TENM2: variants seen among roughly 807,000 people sequenced by gnomAD.
TENM2 encodes the protein teneurin transmembrane protein 2.
TENM2 carries 52 observed loss-of-function variants against 245.2 expected under a neutral mutation model. The ratio of observed to expected loss-of-function variants is 0.21; its 90% CI spans 0.17 to 0.27. The LOEUF (loss-of-function observed/expected upper bound fraction) is 0.27, where lower values mean the gene tolerates loss of function less well. TENM2 is among the 10% of genes least tolerant of loss of function. TENM2 has a pLI of 1.00. For missense variants in TENM2, 3,046 were observed against 3,666.8 expected (o/e 0.83, Z 4.37); for synonymous variants, 1,363 against 1,438.9 (o/e 0.95, Z 1.19).
the TENM2 span, among the ~76,000 whole-genome samples, chr5:166,990,885 T>C: frequency 2.0e-5 from 3 of 152,166 alleles, no homozygotes; most frequent in Admixed American, 6.5e-5. Context: ...CTGTTGATGT[T>C]GTTTAGTTGG....
chr5:167,281,070 A>G (rs1771028998), upstream of TENM2, among the ~76,000 whole-genome samples: 1 of 151,722 alleles, frequency 6.6e-6, no homozygotes, highest in Admixed American at 6.6e-5. Context: ...CCAGATTTTC[A>G]TATATAATTC....
chr5:167,501,699 G>T (rs1014283817), intron 2 of TENM2, among the ~76,000 whole-genome samples: 1 of 152,150 alleles, frequency 6.6e-6, no homozygotes, highest in Admixed American at 6.6e-5. Flanking sequence ...AAAGTGTGAG[G>T]ACTTGTTACC....
chr5:167,346,058 A>G, intron 1 of TENM2, among the ~76,000 whole-genome samples: 1 of 152,206 alleles, frequency 6.6e-6, no homozygotes, highest in East Asian at 1.9e-4. Context: ...AACATGGCCT[A>G]ATCATGAAAG....
chr5:168,108,945 C>G (rs900562610), intron 9 of TENM2, among the ~76,000 whole-genome samples: 2 of 152,196 alleles, frequency 1.3e-5, no homozygotes, highest in African/African-American at 4.8e-5. Flanking sequence ...GAGCTTCCTT[C>G]TCTCTCCATG....
At chr5:168,173,314 G>A (rs10068630) in intron 13 of TENM2, among the ~76,000 whole-genome samples, 1,979 of 152,224 alleles carry the variant, frequency 0.013, 47 homozygotes, top group African/African-American at 0.045. Context: ...TGGTTTCCTG[G>A]CTCAAAATCC....
chr5:167,913,461 A>G (rs1295534804), intron 3 of TENM2, among the ~76,000 whole-genome samples: 1 of 152,208 alleles, frequency 6.6e-6, no homozygotes, highest in East Asian at 1.9e-4. Flanking sequence ...TATTGGCACT[A>G]CATTTGAAAC....
intron 2 of TENM2, among the ~76,000 whole-genome samples, chr5:167,403,001 A>C (rs1465710962): frequency 6.6e-6 from 1 of 152,112 alleles, no homozygotes; most frequent in African/African-American, 2.4e-5. Context: ...AAAGCTCCAA[A>C]CTGTGCAGCT....
intron 2 of TENM2, among the ~76,000 whole-genome samples, chr5:167,654,861 G>C (rs1561642456): frequency 6.6e-6 from 1 of 152,026 alleles, no homozygotes; most frequent in Non-Finnish European, 1.5e-5. Flanking sequence ...TCAATCTAGT[G>C]AGCTATCCTG....
intron 5 of TENM2, among the ~76,000 whole-genome samples, chr5:167,997,991 C>T (rs1379572837): frequency 2.6e-5 from 4 of 152,232 alleles, no homozygotes; most frequent in African/African-American, 4.8e-5. Flanking sequence ...GTAATTGCAT[C>T]TGACTTTCTG....
the TENM2 span, among the ~76,000 whole-genome samples, chr5:167,191,223 C>T: frequency 2.6e-5 from 4 of 152,084 alleles, no homozygotes; most frequent in East Asian, 7.8e-4. Context: ...CACACACATA[C>T]ATATATGTTA....
chr5:168,027,894 T>A (rs1310125436), intron 5 of TENM2, among the ~76,000 whole-genome samples: 1 of 152,224 alleles, frequency 6.6e-6, no homozygotes, highest in Non-Finnish European at 1.5e-5. Context: ...ACGGCAGATT[T>A]ATGTGGTAGT....
At chr5:167,347,002 G>A (rs944398913) in intron 1 of TENM2, among the ~76,000 whole-genome samples, 4 of 151,932 alleles carry the variant, frequency 2.6e-5, no homozygotes, top group Admixed American at 1.3e-4. Context: ...TTAAACTCCC[G>A]AGCTGAAGTA....
chr5:167,145,047 C>T, the TENM2 span, among the ~76,000 whole-genome samples: 3 of 152,182 alleles, frequency 2.0e-5, no homozygotes, highest in Non-Finnish European at 4.4e-5. Flanking sequence ...CCGCTTTTGC[C>T]ACATCACCTT....
intron 13 of TENM2, among the ~76,000 whole-genome samples, chr5:168,177,003 A>G (rs924167690): frequency 5.3e-5 from 8 of 152,156 alleles, no homozygotes; most frequent in African/African-American, 1.9e-4. Context: ...CTGTTCATTG[A>G]CTTCGTATGG....
At chr5:168,204,435 G>A in exon 19 of TENM2, 1 of 1,613,970 alleles carries the variant, frequency 6.2e-7, no homozygotes, top group Non-Finnish European at 8.5e-7. Flanking sequence ...ATCATCACCA[G>A]CATCATGGGC....
At chr5:167,262,702 A>G in the TENM2 span, among the ~76,000 whole-genome samples, 5 of 152,162 alleles carry the variant, frequency 3.3e-5, no homozygotes, top group African/African-American at 1.2e-4. Flanking sequence ...GGAACTCTTC[A>G]GAGTATAATG....
In TENM2 at chr5:167,377,145, A is replaced by G. The variant is rs537873186; in HGVS notation, c.502+1672A>G. On this transcript the variant is annotated intron_variant, in intron 2 of 28. Coordinates refer to ENST00000518659, the Ensembl canonical transcript of TENM2. ...CACAAAAAATGCTTGCCATGAATTT[A>G]CCTAGGAGAGTTATGGATGAAAAAA... Among the ~76,000 whole-genome samples the G allele has an allele frequency of 3.3e-5, 5 of 152,296 alleles. No individual in the cohort carries two copies. In the East Asian group the frequency reaches 9.6e-4, roughly 29 times the overall value.
chr5:167,722,862 T>A (rs1163815713), intron 2 of TENM2, among the ~76,000 whole-genome samples: 1 of 152,236 alleles, frequency 6.6e-6, no homozygotes, highest in Admixed American at 6.5e-5. Context: ...TTTAGGTCTC[T>A]TTCTCCTAAA....
intron 2 of TENM2, among the ~76,000 whole-genome samples, chr5:167,863,033 A>C (rs1771967165): frequency 6.6e-6 from 1 of 152,204 alleles, no homozygotes; most frequent in Non-Finnish European, 1.5e-5. Context: ...TACAATGCTT[A>C]ATTAGAGAGC....
Sources: allele counts gnomAD v4.1 joint callset (sites outside exome capture counted in the v4.1 genomes callset), GRCh38; gene constraint gnomAD v4.1.1; transcripts MANE v1.5; gene names NCBI Gene and HGNC (gene_info 2026-07-23, HGNC 2026-07-21).